The following CAB39 variants were observed in gnomAD, a reference collection of about 807,000 sequenced individuals.
CAB39 encodes the protein calcium-binding protein 39.
A neutral mutation model predicts 40.0 loss-of-function variants in CAB39; 8 were observed. That is an observed-to-expected ratio of 0.20 (90% CI 0.12 to 0.36). CAB39 has a LOEUF of 0.36. CAB39 is among the 10% of genes least tolerant of loss of function. The pLI, the probability that CAB39 is intolerant of heterozygous loss-of-function variation, is 1.00. For missense variants in CAB39, 270 were observed against 401.1 expected (o/e 0.67, Z 2.79); for synonymous variants, 156 against 141.6 (o/e 1.10, Z -0.72).
At chr2:230,725,899 A>G (rs1694561513) in intron 1 of CAB39, among the ~76,000 whole-genome samples, 1 of 152,198 alleles carries the variant, frequency 6.6e-6, no homozygotes, top group Non-Finnish European at 1.5e-5. Context: ...GAATCTACAA[A>G]TCATCAGACT....
At chr2:230,771,497 AGAT>A (rs1695482675) in intron 2 of CAB39, among the ~76,000 whole-genome samples, 1 of 152,218 alleles carries the variant, frequency 6.6e-6, no homozygotes, top group Non-Finnish European at 1.5e-5. Context: ...AATAAGCAGG[AGAT>A]ACATGTTGTT....
chr2:230,755,765 ATTCCCTT>A (rs1695177582), intron 1 of CAB39, among the ~76,000 whole-genome samples: 3 of 152,234 alleles, frequency 2.0e-5, no homozygotes, highest in Non-Finnish European at 4.4e-5. Context: ...GATTTGTGTT[ATTCCCTT>A]AAATTCCTCC....
intron 2 of CAB39, among the ~76,000 whole-genome samples, chr2:230,780,035 C>T (rs148377401): frequency 1.9e-3 from 286 of 152,244 alleles, no homozygotes; most frequent in African/African-American, 6.4e-3. Context: ...TCATCTGGTC[C>T]AGTTCCCTTA....
At chr2:230,758,786 A>G (rs1007652222) in intron 1 of CAB39, among the ~76,000 whole-genome samples, 4 of 152,246 alleles carry the variant, frequency 2.6e-5, no homozygotes, top group South Asian at 2.1e-4. Context: ...ACTTACAGTC[A>G]GAAAACCACT....
intron 1 of CAB39, among the ~76,000 whole-genome samples, chr2:230,745,458 T>C (rs1036156102): frequency 1.7e-4 from 26 of 152,252 alleles, no homozygotes; most frequent in Admixed American, 1.7e-3. Flanking sequence ...TCCTCAGACC[T>C]ATGCTTGCAC....
intron 1 of CAB39, among the ~76,000 whole-genome samples, chr2:230,749,019 T>A (rs1427566634): frequency 5.4e-5 from 8 of 147,446 alleles, no homozygotes; most frequent in Admixed American, 2.7e-4. Flanking sequence ...GTTTTTTTTT[T>A]AAACCAATTG....
intron 1 of CAB39, among the ~76,000 whole-genome samples, chr2:230,734,930 G>A (rs1329160869): frequency 1.3e-5 from 2 of 152,154 alleles, no homozygotes; most frequent in Non-Finnish European, 2.9e-5. Flanking sequence ...AATATTTGGT[G>A]GCGGTGGTGG....
chr2:230,748,831 A>AAATATATATATATATAT (rs1386799920), intron 1 of CAB39, among the ~76,000 whole-genome samples: 3 of 28,504 alleles, frequency 1.1e-4, no homozygotes, highest in African/African-American at 2.5e-4. Flanking sequence ...AAAAAAAAAA[A>AAATATATATATATATAT]ATATATATAT....
chr2:230,809,038 A>G (rs1404004989), intron 5 of CAB39, among the ~76,000 whole-genome samples: 1 of 152,202 alleles, frequency 6.6e-6, no homozygotes, highest in Non-Finnish European at 1.5e-5. Context: ...AGTCACAGCT[A>G]TGTCCAGTGC....
At chr2:230,787,000 G>A (rs1175984683) in intron 2 of CAB39, among the ~76,000 whole-genome samples, 2 of 152,158 alleles carry the variant, frequency 1.3e-5, no homozygotes, top group East Asian at 3.8e-4. Context: ...GGTAGACTCG[G>A]CTTAGCATTG....
At chr2:230,746,170 C>G (rs1205405978) in intron 1 of CAB39, among the ~76,000 whole-genome samples, 1 of 152,138 alleles carries the variant, frequency 6.6e-6, no homozygotes, top group South Asian at 2.1e-4. Context: ...AAAGTAGAAT[C>G]TGGAATCAGA....
intron 2 of CAB39, among the ~76,000 whole-genome samples, chr2:230,790,607 A>G (rs887089400): frequency 6.6e-6 from 1 of 152,170 alleles, no homozygotes; most frequent in East Asian, 1.9e-4. Flanking sequence ...TGTTTCTGCC[A>G]TAGATAAACA....
At chr2:230,723,597 T>G (rs115439174) in intron 1 of CAB39, among the ~76,000 whole-genome samples, 560 of 152,292 alleles carry the variant, frequency 3.7e-3, no homozygotes, top group Non-Finnish European at 5.8e-3. Flanking sequence ...CACACTGTCC[T>G]TGAAGGACCA....
At chr2:230,790,675 G>T (rs190911425) in intron 2 of CAB39, among the ~76,000 whole-genome samples, 197 bp from the exon 3 acceptor site, 2 of 152,318 alleles carry the variant, frequency 1.3e-5, no homozygotes, top group Admixed American at 1.3e-4. Context: ...TGTGGTGTAT[G>T]CATGTTGGTC....
intron 4 of CAB39, among the ~76,000 whole-genome samples, chr2:230,795,825 T>G (rs72995232): frequency 0.1 from 15,844 of 152,196 alleles, 1,126 homozygotes; most frequent in Middle Eastern, 0.16. Flanking sequence ...ATAGTCTCAT[T>G]TTTTAGTATA....
At chr2:230,716,690 AC>A (rs1251136785) in intron 1 of CAB39, among the ~76,000 whole-genome samples, 2 of 152,204 alleles carry the variant, frequency 1.3e-5, no homozygotes, top group African/African-American at 4.8e-5. Context: ...GCCTGACCAC[AC>A]TGGCCTCCAG....
chr2:230,809,773 A>G (rs1048563195), intron 5 of CAB39, among the ~76,000 whole-genome samples: 2 of 152,246 alleles, frequency 1.3e-5, no homozygotes, highest in Admixed American at 6.5e-5. Flanking sequence ...TGCGTTAGCT[A>G]TGAACCTGAA....
At chr2:230,751,351 A>C (rs547046235) in intron 1 of CAB39, among the ~76,000 whole-genome samples, 2 of 152,306 alleles carry the variant, frequency 1.3e-5, no homozygotes, top group East Asian at 3.9e-4. Context: ...TACACACCAG[A>C]ATGTTGTCTT....
chr2:230,810,152 T>C, intron 5 of CAB39, 111 bp from the exon 6 acceptor site: 1 of 584,968 alleles, frequency 1.7e-6, no homozygotes, highest in South Asian at 2.1e-5. Context: ...AAATGTTAAG[T>C]ATGGTGATTT....
Sources: gnomAD v4.1 joint callset for allele counts (sites outside exome capture counted in the v4.1 genomes callset) on GRCh38, gnomAD v4.1.1 for gene constraint, MANE v1.5 for transcripts, NCBI Gene and HGNC (gene_info 2026-07-23, HGNC 2026-07-21) for gene names.